Variants in MTCL2 observed in about 807,000 individuals in gnomAD.
MTCL2 encodes the protein microtubule cross-linking factor 2.
At chr20:36,855,380 G>C in the MTCL2 span, among the ~76,000 whole-genome samples, 1 of 152,182 alleles carries the variant, frequency 6.6e-6, no homozygotes, top group African/African-American at 2.4e-5. Context: ...GAGAACAAAG[G>C]GCTGGCCTGC....
At chr20:36,790,527 C>T in the MTCL2 span, among the ~76,000 whole-genome samples, 2 of 150,310 alleles carry the variant, frequency 1.3e-5, no homozygotes, top group African/African-American at 4.9e-5. Flanking sequence ...CTCCACCTCC[C>T]GGCTTCAAGC....
At chr20:36,789,680 C>T in the MTCL2 span, among the ~76,000 whole-genome samples, 3 of 150,200 alleles carry the variant, frequency 2.0e-5, no homozygotes, top group Non-Finnish European at 3.0e-5. Context: ...AAAAAAAAAG[C>T]GAATTCTCCC....
the MTCL2 span, among the ~76,000 whole-genome samples, chr20:36,797,188 C>T: frequency 6.6e-6 from 1 of 152,162 alleles, no homozygotes. Flanking sequence ...AGGAAAGGGA[C>T]CACTTAAAAT....
At chr20:36,849,131 A>G in the MTCL2 span, among the ~76,000 whole-genome samples, 3 of 120,412 alleles carry the variant, frequency 2.5e-5, no homozygotes, top group East Asian at 8.0e-4. Context: ...GTGCAATCTC[A>G]GCTCACTGCA....
At chr20:36,808,739 T>C in the MTCL2 span, 1 of 1,585,158 alleles carries the variant, frequency 6.3e-7, no homozygotes, top group East Asian at 2.3e-5. Context: ...CTGGTCCTCC[T>C]TCAGCTGCCG....
At chr20:36,839,528 G>A in the MTCL2 span, 8 of 1,200,358 alleles carry the variant, frequency 6.7e-6, no homozygotes, top group Non-Finnish European at 9.4e-6. The surrounding 1 kb of genome is among the most constrained non-coding windows in gnomAD (Gnocchi z 5.1). Flanking sequence ...ACTGAATGAA[G>A]CACCGTGGGG....
the MTCL2 span, among the ~76,000 whole-genome samples, chr20:36,857,235 C>T: frequency 1.3e-5 from 2 of 152,102 alleles, no homozygotes; most frequent in African/African-American, 4.8e-5. Flanking sequence ...GTCTCTGGGA[C>T]ATATCCGGGT....
chr20:36,803,228 A>T, the MTCL2 span: 2 of 1,404,128 alleles, frequency 1.4e-6, no homozygotes, highest in Non-Finnish European at 1.9e-6. Context: ...AAGACCCCTC[A>T]CTAGGGACTA....
At chr20:36,796,915 G>A in the MTCL2 span, 3 of 1,613,874 alleles carry the variant, frequency 1.9e-6, no homozygotes, top group East Asian at 4.5e-5. Context: ...CTCAACTTCG[G>A]AAACAGCCTC....
chr20:36,796,389 G>A, the MTCL2 span, among the ~76,000 whole-genome samples: 1 of 152,180 alleles, frequency 6.6e-6, no homozygotes, highest in African/African-American at 2.4e-5. Flanking sequence ...GTCTGATAGC[G>A]GCTGGGGGTT....
chr20:36,815,698 C>A, the MTCL2 span: 1 of 1,604,154 alleles, frequency 6.2e-7, no homozygotes, highest in Non-Finnish European at 8.5e-7. The surrounding 1 kb of genome is among the most constrained non-coding windows in gnomAD (Gnocchi z 5.3). Context: ...CCGCTGAGCT[C>A]GCCGATCTGC....
At chr20:36,841,858 C>CGGGGGTG in the MTCL2 span, among the ~76,000 whole-genome samples, 1 of 107,718 alleles carries the variant, frequency 9.3e-6, no homozygotes, top group African/African-American at 3.6e-5. Context: ...AACCCCACAT[C>CGGGGGTG]GGGGGTGGGG....
the MTCL2 span, among the ~76,000 whole-genome samples, chr20:36,834,090 G>A: frequency 2.0e-5 from 3 of 151,630 alleles, no homozygotes; most frequent in Admixed American, 6.6e-5. Flanking sequence ...TTGAACCCGG[G>A]AGGTGGAAGT....
the MTCL2 span, chr20:36,784,496 G>C: frequency 2.0e-6 from 2 of 985,424 alleles, no homozygotes; most frequent in African/African-American, 1.7e-5. Flanking sequence ...AAAGCTACTG[G>C]CTTTTGGTCT....
At chr20:36,828,255 A>T in the MTCL2 span, among the ~76,000 whole-genome samples, 1 of 152,142 alleles carries the variant, frequency 6.6e-6, no homozygotes, top group Non-Finnish European at 1.5e-5. Flanking sequence ...CCTTTAAGGG[A>T]CACCTAGGCT....
the MTCL2 span, chr20:36,862,514 T>C: frequency 4.3e-6 from 3 of 693,808 alleles, no homozygotes; most frequent in Non-Finnish European, 6.2e-6. Flanking sequence ...GAGCCCCAGA[T>C]CCACCTCAGA....
chr20:36,786,581 G>T, the MTCL2 span: 1 of 1,551,162 alleles, frequency 6.4e-7, no homozygotes. Context: ...TGGCAGAGCG[G>T]GACGATCGGG....
the MTCL2 span, chr20:36,785,854 A>G: frequency 7.1e-6 from 7 of 985,760 alleles, no homozygotes; most frequent in Non-Finnish European, 8.4e-6. Context: ...AGGGAGATCC[A>G]GGGCTCCAGG....
At chr20:36,863,167 C>T in the MTCL2 span, 3 of 1,346,432 alleles carry the variant, frequency 2.2e-6, no homozygotes, top group African/African-American at 4.6e-5. The surrounding 1 kb of genome is among the most constrained non-coding windows in gnomAD (Gnocchi z 6.2). Context: ...CTGCAGGCGA[C>T]TGCTGAGCCC....
Sources: gnomAD v4.1 joint callset for allele counts (sites outside exome capture counted in the v4.1 genomes callset) on GRCh38, gnomAD v4.1.1 for gene constraint, Gnocchi (gnomAD v3.1) non-coding constraint, MANE v1.5 for transcripts, NCBI Gene and HGNC (gene_info 2026-07-23, HGNC 2026-07-21) for gene names.